Variants in MYBPH observed in about 807,000 individuals in gnomAD.
MYBPH encodes myosin binding protein H.
Under a neutral mutation model 53.6 loss-of-function variants are expected in MYBPH, and 49 were observed. That is an observed-to-expected ratio of 0.91 (90% confidence interval 0.73 to 1.16). MYBPH has a LOEUF of 1.16. Ranked by LOEUF, MYBPH falls within the 50% of genes most tolerant of loss-of-function variation. The pLI, the probability that MYBPH is intolerant of heterozygous loss-of-function variation, is 0.00. For missense variants in MYBPH, 558 were observed against 624.1 expected, an observed-to-expected ratio of 0.89 and a Z score of 1.13; for synonymous variants, 239 against 249.6, an observed-to-expected ratio of 0.96 and a Z score of 0.40.
intron 10 of MYBPH, 98 bp downstream of exon 10, chr1:203,168,529 A>G: frequency 8.1e-7 from 1 of 1,230,578 alleles, no homozygotes; most frequent in Non-Finnish European, 1.2e-6. Context: ...AGAGCTGACC[A>G]CCACCTTCCC....
At position 203,171,294 on chromosome 1, in the gene MYBPH, GGCCTGCTCCCATCA is replaced by G. The variant is rs2102189668; in HGVS notation, c.793+75_793+88del. On this transcript the variant is annotated intron_variant, in intron 5 of 10. Coordinates refer to ENST00000255416, the MANE Select transcript of MYBPH (RefSeq NM_004997.3). This position sits in a 1 kb window ranked among gnomAD's most constrained non-coding sequence, Gnocchi z 4.2. ...AATTTGGCTCTTGCCACACTCCCTTGGCCTGCTCCCATCAGCCATCAGCTCTGGGATAGGAGGTT... is the reference window on the plus strand; with the variant it reads ...AATTTGGCTCTTGCCACACTCCCTTGGCCATCAGCTCTGGGATAGGAGGTT... 1 of 1,561,690 alleles carries G rather than the reference GGCCTGCTCCCATCA, an allele frequency of 6.4e-7. No homozygotes were observed. The highest frequency in any genetic ancestry group is 1.8e-5 in the Admixed American group (1 of 56,044).
chr1:203,175,934 G>T (rs1268359777), upstream of MYBPH: 2 of 622,952 alleles, frequency 3.2e-6, no homozygotes, highest in Non-Finnish European at 5.6e-6. Context: ...AGGGTGGAGA[G>T]GCGCCCAGGC....
At chr1:203,177,284 T>A (rs1162072491), upstream of MYBPH, among the ~76,000 whole-genome samples, 1 of 152,172 alleles carries the variant, frequency 6.6e-6, no homozygotes, top group African/African-American at 2.4e-5. Context: ...GCTAATGAGG[T>A]TTCCTTTCCT....
At chr1:203,172,138 G>A in intron 3 of MYBPH, 98 bp from the exon 4 acceptor site, 3 of 727,994 alleles carry the variant, frequency 4.1e-6, no homozygotes, top group Non-Finnish European at 5.8e-6. Flanking sequence ...GATGCTGGCT[G>A]GGAGGAGGGT....
At chr1:203,178,907 A>G (rs1655867092), upstream of MYBPH, 1 of 152,628 alleles carries the variant, frequency 6.6e-6, no homozygotes, top group South Asian at 2.1e-4. Flanking sequence ...GCGCTCAAAG[A>G]TAGACCAAAG....
At chr1:203,172,395 T>C (rs1448803529) in intron 3 of MYBPH, among the ~76,000 whole-genome samples, 1 of 152,138 alleles carries the variant, frequency 6.6e-6, no homozygotes, top group South Asian at 2.1e-4. Flanking sequence ...TGTCTCCCCC[T>C]GCTGGGGAGC....
Position 203,172,021 on chromosome 1 carries a change from G to A in MYBPH, c.528C>T (p.Val176=), listed in dbSNP as rs1302167946. The change falls in exon 4 of 11, where the codon GTC becomes GTT. Residue 176 remains valine (V), a synonymous_variant. Coordinates refer to ENST00000255416, the MANE Select transcript of MYBPH (RefSeq NM_004997.3). ...TGTAGGTCTGACGGAGGTGGCGGGG[G>A]ACACGGATCTTGGGGGCCTCTGGAT... is the stretch of plus-strand genomic sequence containing the variant. ...RENIEAPKIR[V]PRHLRQTYIR... 1.5e-6 allele frequency: 2 copies of A among 1,321,334 alleles called. No homozygotes were observed. Among genetic ancestry groups the A allele is most frequent in the Non-Finnish European group, 1.9e-6 (2 of 1,027,510 alleles). The allele number at this position is 1,321,334 out of a possible 1,614,324, so 81.9% of individuals were successfully genotyped here.
chr1:203,168,656 A>ACC lies in MYBPH; in HGVS notation c.*2_*3insGG, dbSNP rs35823777. On this transcript the variant is annotated 3_prime_UTR_variant, in exon 10 of 11. Transcript: ENST00000255416. ...CTCCTCATCACAGCCTCCTCCCGTG[A>ACC]CTTCAGTGTGCGGCTGAGGCTGGAA... The ACC allele has an allele frequency of 1.2e-5, 19 of 1,556,164 alleles. No homozygotes were observed. The highest frequency in any genetic ancestry group is 1.7e-5 in the Non-Finnish European group (19 of 1,149,378).
upstream of MYBPH, among the ~76,000 whole-genome samples, chr1:203,177,067 C>A (rs1456009766): frequency 6.6e-6 from 1 of 152,218 alleles, no homozygotes; most frequent in Non-Finnish European, 1.5e-5. Flanking sequence ...CAGTGATGAG[C>A]AGAAGAGCAA....
At chr1:203,168,196 GCCTC>G (rs1655620655) in intron 10 of MYBPH, 105 bp from the exon 11 acceptor site, 1 of 233,358 alleles carries the variant, frequency 4.3e-6, no homozygotes, top group Admixed American at 5.2e-5. Flanking sequence ...TCCTCACCAG[GCCTC>G]CCTCCCTCAG....
upstream of MYBPH, among the ~76,000 whole-genome samples, chr1:203,176,041 C>T (rs1342627908): frequency 1.3e-5 from 2 of 152,148 alleles, no homozygotes; most frequent in African/African-American, 2.4e-5. Flanking sequence ...GGTGCTGGTG[C>T]CCAGCTGGGG....
At chr1:203,169,835 C>T (rs950609545) in intron 7 of MYBPH, among the ~76,000 whole-genome samples, 8 of 152,176 alleles carry the variant, frequency 5.3e-5, no homozygotes, top group African/African-American at 7.2e-5. Context: ...TAACATTTGA[C>T]GCAAGAAGGT....
chr1:203,175,208 C>T (rs975383239), intron 2 of MYBPH, 119 bp downstream of exon 2: 17 of 1,286,376 alleles, frequency 1.3e-5, no homozygotes, highest in East Asian at 1.0e-4. Flanking sequence ...GCCTACTGCT[C>T]GCATCCCCTC....
chr1:203,176,310 G>T (rs114801000), upstream of MYBPH, among the ~76,000 whole-genome samples: 1 of 152,188 alleles, frequency 6.6e-6, no homozygotes, highest in African/African-American at 2.4e-5. Context: ...AGGGACTCTC[G>T]CCTGTGCTGT....
Position 203,171,334 on chromosome 1 carries a change from G to C in MYBPH, c.793+49C>G. 6.3e-7 allele frequency: 1 copy of C among 1,580,270 alleles called. No individual in the cohort carries two copies. Among genetic ancestry groups the C allele is most frequent in the South Asian group, 1.2e-5 (1 of 85,676 alleles). ...GCCATCAGCTCTGGGATAGGAGGTT[G>C]GGGGCTCCAGGTCCCCCATGAGACA... On this transcript the variant is annotated intron_variant, in intron 5 of 10. Transcript: ENST00000255416. The surrounding 1 kb of genome is among the most constrained non-coding windows in gnomAD (Gnocchi z 4.2).
intron 2 of MYBPH, among the ~76,000 whole-genome samples, chr1:203,175,068 T>C (rs1395697257): frequency 1.3e-5 from 2 of 151,878 alleles, no homozygotes; most frequent in Non-Finnish European, 2.9e-5. Context: ...GAGAACCCAG[T>C]GTCCCCTTAC....
At chr1:203,173,676 A>G (rs552309756) in intron 3 of MYBPH, among the ~76,000 whole-genome samples, 81 of 152,246 alleles carry the variant, frequency 5.3e-4, no homozygotes, top group Admixed American at 9.2e-4. Context: ...TCCATCCCCT[A>G]GTGGAGGAGC....
intron 10 of MYBPH, 57 bp downstream of exon 10, chr1:203,168,570 C>T (rs1007320788): frequency 6.6e-7 from 1 of 1,520,694 alleles, no homozygotes; most frequent in Non-Finnish European, 8.9e-7. Flanking sequence ...TCCTGGCCTC[C>T]TCTCTGCTTC....
At chr1:203,176,250 C>A (rs1320262835), upstream of MYBPH, among the ~76,000 whole-genome samples, 1 of 152,212 alleles carries the variant, frequency 6.6e-6, no homozygotes, top group Non-Finnish European at 1.5e-5. Context: ...CTTGTGAGCA[C>A]TCCCAGCTTT....
Sources: allele counts gnomAD v4.1 joint callset (sites outside exome capture counted in the v4.1 genomes callset), GRCh38; gene constraint gnomAD v4.1.1; non-coding constraint Gnocchi (gnomAD v3.1); transcripts MANE v1.5; gene names NCBI Gene and HGNC (gene_info 2026-07-23, HGNC 2026-07-21).